RUBCN: variants seen among roughly 807,000 people sequenced by gnomAD.
The protein encoded by RUBCN is rubicon autophagy regulator.
Under a neutral mutation model 113.2 loss-of-function variants are expected in RUBCN, and 74 were observed. The observed-to-expected ratio is 0.65, with a 90% CI of 0.54 to 0.79. The LOEUF is 0.79. RUBCN is among the 30% of genes least tolerant of loss of function. The pLI is 0.00. For synonymous variants in RUBCN, 480 were observed against 490.0 expected, an observed-to-expected ratio of 0.98 and a Z score of 0.27; for missense variants, 1,109 against 1,251.7, an observed-to-expected ratio of 0.89 and a Z score of 1.72.
chr3:197,703,682 T>G, intron 4 of RUBCN, 28 bp from the exon 5 acceptor site: 1 of 1,476,022 alleles, frequency 6.8e-7, no homozygotes, highest in Admixed American at 1.7e-5. Context: ...GCCACAGTGA[T>G]AGAGCCCATC....
At position 197,670,684 on chromosome 3, in the gene RUBCN, C is replaced by T. The variant is rs1719702818; in HGVS notation, c.*4334G>A. On this transcript the variant is annotated 3_prime_UTR_variant, in exon 20 of 20. Coordinates refer to ENST00000296343, the MANE Select transcript of RUBCN (RefSeq NM_014687.4). ...CAGTCTTTCACATGGCTTTTTCATT[C>T]TCCTCTCAGTTTAATTTGTAAATAT... is the stretch of plus-strand genomic sequence containing the variant. Among the ~76,000 whole-genome samples the T allele has an allele frequency of 6.6e-6, 1 of 152,218 alleles. No homozygotes were observed. The highest frequency in any genetic ancestry group is 1.5e-5 in the Non-Finnish European group (1 of 68,042).
chr3:197,686,104 A>G (rs1412101310), intron 11 of RUBCN, among the ~76,000 whole-genome samples: 1 of 152,228 alleles, frequency 6.6e-6, no homozygotes, highest in Non-Finnish European at 1.5e-5. Flanking sequence ...ATAAGGAGCT[A>G]ACCAATTTTC....
chr3:197,700,469 A>G, intron 7 of RUBCN, 144 bp downstream of exon 7: 1 of 749,702 alleles, frequency 1.3e-6, no homozygotes, highest in Non-Finnish European at 2.2e-6. Context: ...ATTTCGTTAT[A>G]AACTTCTTTC....
intron 9 of RUBCN, 130 bp downstream of exon 9, chr3:197,695,736 G>T: frequency 1.2e-6 from 1 of 820,000 alleles, no homozygotes; most frequent in Non-Finnish European, 2.1e-6. Flanking sequence ...AACTTGCTGA[G>T]CTTCCCTTTA....
intron 11 of RUBCN, among the ~76,000 whole-genome samples, chr3:197,687,368 A>T (rs377439093): frequency 3.3e-5 from 5 of 152,390 alleles, no homozygotes; most frequent in African/African-American, 1.2e-4. Context: ...AGTATAGCTC[A>T]TCAACGTTCC....
At chr3:197,733,827 C>T (rs747276870) in intron 1 of RUBCN, among the ~76,000 whole-genome samples, 2 of 152,092 alleles carry the variant, frequency 1.3e-5, no homozygotes, top group South Asian at 2.1e-4. Context: ...GAATAAAAGA[C>T]GGGAAAAGAT....
intron 12 of RUBCN, 58 bp downstream of exon 12, chr3:197,684,099 G>T: frequency 1.5e-6 from 2 of 1,376,984 alleles, no homozygotes; most frequent in Non-Finnish European, 2.1e-6. Flanking sequence ...AACTGGGTTT[G>T]TTTCTCTACA....
intron 18 of RUBCN, 106 bp downstream of exon 18, chr3:197,676,779 C>A: frequency 6.3e-7 from 1 of 1,593,936 alleles, no homozygotes; most frequent in Non-Finnish European, 8.5e-7. Flanking sequence ...TGCTGACTGG[C>A]CATTTCAACT....
At chr3:197,690,099 A>G (rs1333253494) in intron 11 of RUBCN, among the ~76,000 whole-genome samples, 1 of 152,216 alleles carries the variant, frequency 6.6e-6, no homozygotes, top group Non-Finnish European at 1.5e-5. Context: ...ATCTAATCTT[A>G]CACAATTATT....
upstream of RUBCN, among the ~76,000 whole-genome samples, chr3:197,739,008 C>T (rs965739997): frequency 2.0e-5 from 3 of 151,640 alleles, no homozygotes; most frequent in African/African-American, 7.3e-5. Context: ...CTCTTGTTGG[C>T]TAGACTGGAG....
chr3:197,680,069 C>CT (rs1478155466), intron 16 of RUBCN, among the ~76,000 whole-genome samples: 1 of 150,294 alleles, frequency 6.7e-6, no homozygotes, highest in Non-Finnish European at 1.5e-5. Context: ...GACTGTCCTA[C>CT]GCTCTAACTG....
At chr3:197,725,282 G>A (rs913721413) in intron 1 of RUBCN, among the ~76,000 whole-genome samples, 9 of 151,822 alleles carry the variant, frequency 5.9e-5, no homozygotes, top group Non-Finnish European at 1.5e-5. Flanking sequence ...ACTATCACAT[G>A]TGTGTTTAAT....
Position 197,669,285 on chromosome 3 carries a change from T to C in RUBCN, c.*5733A>G, listed in dbSNP as rs1339580986. On this transcript the variant is annotated 3_prime_UTR_variant, in exon 20 of 20. Transcript: ENST00000296343. ...TTTGCCAGTTTTTTCACTAATATCC[T>C]TTCTCCATTTCGGGATCCCACCCGG... 2.0e-5 allele frequency among the ~76,000 whole-genome samples: 3 copies of C among 152,234 alleles called. No homozygotes were observed. Among genetic ancestry groups the C allele is most frequent in the Non-Finnish European group, 4.4e-5 (3 of 68,038 alleles).
At chr3:197,704,289 C>T (rs1467457309) in intron 4 of RUBCN, among the ~76,000 whole-genome samples, 1 of 152,184 alleles carries the variant, frequency 6.6e-6, no homozygotes, top group African/African-American at 2.4e-5. Flanking sequence ...ACAAAATTAG[C>T]TGGGCATGGT....
intron 17 of RUBCN, 135 bp downstream of exon 17, chr3:197,677,345 C>T (rs1720553799): frequency 1.3e-6 from 1 of 790,840 alleles, no homozygotes. Flanking sequence ...ACTGCTGTGG[C>T]CTCCTGTTTA....
chr3:197,738,283 A>G (rs566393672), upstream of RUBCN, among the ~76,000 whole-genome samples: 1 of 152,348 alleles, frequency 6.6e-6, no homozygotes, highest in East Asian at 1.9e-4. Flanking sequence ...TGTGAAGGCA[A>G]CAGAATCAGC....
intron 2 of RUBCN, among the ~76,000 whole-genome samples, chr3:197,711,341 G>A (rs1397347206): frequency 2.0e-5 from 3 of 152,128 alleles, no homozygotes; most frequent in Non-Finnish European, 4.4e-5. Context: ...TGGTACATAC[G>A]TACAATGGAA....
chr3:197,682,793 GAA>G (rs1408648351), intron 13 of RUBCN, among the ~76,000 whole-genome samples, 178 bp from the exon 14 acceptor site: 3 of 152,176 alleles, frequency 2.0e-5, no homozygotes, highest in Non-Finnish European at 4.4e-5. Flanking sequence ...CATAATGAGT[GAA>G]AGACATTTCA....
At chr3:197,724,911 G>A (rs1165923263) in intron 1 of RUBCN, among the ~76,000 whole-genome samples, 1 of 152,138 alleles carries the variant, frequency 6.6e-6, no homozygotes, top group East Asian at 1.9e-4. Flanking sequence ...TGGGTGTGGT[G>A]GCTCACGCCT....
Sources: allele counts gnomAD v4.1 joint callset (sites outside exome capture counted in the v4.1 genomes callset), GRCh38; gene constraint gnomAD v4.1.1; transcripts MANE v1.5; gene names NCBI Gene and HGNC (gene_info 2026-07-23, HGNC 2026-07-21).